DOCK9: variants seen among roughly 807,000 people sequenced by gnomAD.
The protein encoded by DOCK9 is dedicator of cytokinesis protein 9.
Under a neutral mutation model 263.3 loss-of-function variants are expected in DOCK9, and 89 were observed. The observed-to-expected ratio is 0.34, with a 90% CI of 0.28 to 0.40. The LOEUF is 0.40. Ranked by LOEUF, DOCK9 falls within the 10% of genes least tolerant of loss-of-function variation. The pLI, the probability that DOCK9 is intolerant of heterozygous loss-of-function variation, is 1.00. For synonymous variants in DOCK9, 976 were observed against 973.1 expected (o/e 1.00, Z -0.06); for missense variants, 2,140 against 2,603.4 (o/e 0.82, Z 3.87).
At chr13:98,981,088 G>C (rs567992413), upstream of DOCK9, among the ~76,000 whole-genome samples, 1 of 150,908 alleles carries the variant, frequency 6.6e-6, no homozygotes, top group Admixed American at 6.6e-5. Flanking sequence ...GCAGGGTTTG[G>C]CTCTGCTGCC....
At chr13:98,854,579 G>A (rs1380700497) in intron 34 of DOCK9, 1 of 152,144 alleles carries the variant, frequency 6.6e-6, no homozygotes, top group Non-Finnish European at 1.5e-5. Flanking sequence ...CCGGCAGTGG[G>A]AGGGAAGGTG....
chr13:99,012,622 C>A (rs1353370935), intron 1 of DOCK9, among the ~76,000 whole-genome samples: 1 of 152,182 alleles, frequency 6.6e-6, no homozygotes, highest in Non-Finnish European at 1.5e-5. Context: ...ATAAAGTCAG[C>A]CTATCTTTGC....
At chr13:98,983,081 G>T (rs1230446723) in intron 1 of DOCK9, among the ~76,000 whole-genome samples, 1 of 152,130 alleles carries the variant, frequency 6.6e-6, no homozygotes, top group Non-Finnish European at 1.5e-5. Flanking sequence ...TTTATTAGGG[G>T]TTCTTGGCAT....
intron 1 of DOCK9, among the ~76,000 whole-genome samples, chr13:99,057,093 AG>A (rs762904871): frequency 6.6e-6 from 1 of 152,222 alleles, no homozygotes; most frequent in Non-Finnish European, 1.5e-5. Flanking sequence ...TCTAGAGAGC[AG>A]CCGAGATAAG....
chr13:99,029,834 A>G (rs1346396248), intron 1 of DOCK9, among the ~76,000 whole-genome samples: 1 of 152,242 alleles, frequency 6.6e-6, no homozygotes, highest in African/African-American at 2.4e-5. Flanking sequence ...TTGTATACAA[A>G]TGTTCACAGC....
intron 1 of DOCK9, among the ~76,000 whole-genome samples, chr13:98,984,707 GC>G (rs1878034783): frequency 6.6e-6 from 1 of 152,124 alleles, no homozygotes; most frequent in Non-Finnish European, 1.5e-5. Context: ...TGGGGTTCTA[GC>G]CACTCACTAT....
At chr13:98,998,978 G>A (rs759048475) in intron 1 of DOCK9, among the ~76,000 whole-genome samples, 8 of 152,124 alleles carry the variant, frequency 5.3e-5, no homozygotes, top group Non-Finnish European at 8.8e-5. Flanking sequence ...AAGCAAGCTC[G>A]GATCACACTT....
chr13:98,994,560 G>C (rs745569634), intron 1 of DOCK9, among the ~76,000 whole-genome samples: 1 of 152,168 alleles, frequency 6.6e-6, no homozygotes, highest in Non-Finnish European at 1.5e-5. Flanking sequence ...TGTGACAAAG[G>C]AATGTGTGTC....
chr13:98,881,701 T>A, intron 24 of DOCK9, 74 bp from the exon 25 acceptor site: 1 of 1,445,560 alleles, frequency 6.9e-7, no homozygotes, highest in Non-Finnish European at 9.5e-7. Context: ...ACAGCAGTAG[T>A]AGAACAATGA....
chr13:98,869,958 C>T (rs1276396301), intron 27 of DOCK9, among the ~76,000 whole-genome samples: 1 of 152,232 alleles, frequency 6.6e-6, no homozygotes, highest in Non-Finnish European at 1.5e-5. Flanking sequence ...GCTTGAGTCA[C>T]TGAATGATCT....
At chr13:99,054,318 AAAATT>A (rs1362391632) in intron 1 of DOCK9, among the ~76,000 whole-genome samples, 2 of 152,192 alleles carry the variant, frequency 1.3e-5, no homozygotes, top group African/African-American at 4.8e-5. Context: ...GGCCTCGCCA[AAAATT>A]TGAAAGGTGG....
chr13:98,868,250 C>T lies in DOCK9; in HGVS notation c.3071G>A (p.Ser1024Asn). The change falls in exon 28 of 53, where the codon AGC (serine) becomes AAC (asparagine). Residue 1024 changes from serine (S) to asparagine (N), a missense_variant. Physicochemically the swap from Ser to Asn is conservative, Grantham distance 46 (BLOSUM62 1). This residue lies in a region of DOCK9 where 1,521 missense variants were observed against 1,741.7 expected (regional missense o/e 0.87). Transcript: ENST00000682017. ...CCCCACCTTGATGAAGACAGCAAGG[C>T]TATGATTCGCGTTCTTAGATGCCTC... ...NPEASKNANH[S>N]LAVFIKRCFT... 1 of 1,613,942 alleles carries T rather than the reference C, an allele frequency of 6.2e-7. No individual in the cohort carries two copies. The highest frequency in any genetic ancestry group is 1.7e-5 in the Admixed American group (1 of 60,010).
At chr13:98,869,264 T>C (rs550833015) in intron 27 of DOCK9, among the ~76,000 whole-genome samples, 35 of 152,372 alleles carry the variant, frequency 2.3e-4, no homozygotes, top group African/African-American at 7.2e-4. Context: ...CTTATGTATA[T>C]CTTCTACATG....
intron 27 of DOCK9, among the ~76,000 whole-genome samples, chr13:98,879,296 G>A (rs1316153211): frequency 6.6e-6 from 1 of 152,122 alleles, no homozygotes; most frequent in Non-Finnish European, 1.5e-5. Flanking sequence ...CGGTCAGAAA[G>A]GAACACACAT....
At chr13:98,901,145 A>G (rs2048216131) in intron 13 of DOCK9, among the ~76,000 whole-genome samples, 1 of 152,244 alleles carries the variant, frequency 6.6e-6, no homozygotes, top group Non-Finnish European at 1.5e-5. Flanking sequence ...AGCCTTGGTG[A>G]GCCTCAGTGT....
At position 98,885,795 on chromosome 13, in the gene DOCK9, G is replaced by A. The variant is rs748427197; in HGVS notation, c.2173C>T (p.His725Tyr). 44 of 1,611,602 alleles carry A rather than the reference G, an allele frequency of 2.7e-5. No individual in the cohort carries two copies. Among genetic ancestry groups the A allele is most frequent in the Non-Finnish European group, 3.6e-5 (42 of 1,179,402 alleles). ...TGGAAGAATGTGAGCAACAGGTGGT[G>A]CTTTTCATGCAGCTGAGTGGGCAAC... ...IELPTQLHEKHHLLLTFFHVS... is the reference protein window; with the variant it reads ...IELPTQLHEKYHLLLTFFHVS... Residue 725 changes from histidine to tyrosine, a missense_variant, in exon 20 of 53, where the codon CAC becomes TAC. Physicochemically the swap from His to Tyr is moderately conservative, Grantham distance 83. Coordinates refer to ENST00000682017, the MANE Select transcript of DOCK9 (RefSeq NM_001366683.2).
chr13:98,839,891 C>T (rs946366138), intron 38 of DOCK9, among the ~76,000 whole-genome samples: 2 of 152,236 alleles, frequency 1.3e-5, no homozygotes, highest in Non-Finnish European at 2.9e-5. Flanking sequence ...CAGATTCATA[C>T]AGACATCGGT....
chr13:99,073,894 T>C (rs927900392), intron 1 of DOCK9, among the ~76,000 whole-genome samples: 1 of 152,226 alleles, frequency 6.6e-6, no homozygotes, highest in African/African-American at 2.4e-5. Context: ...TTGATATTTT[T>C]AAAGCCAAAA....
chr13:99,083,203 C>T (rs904631580), intron 1 of DOCK9, among the ~76,000 whole-genome samples: 2 of 151,536 alleles, frequency 1.3e-5, no homozygotes, highest in Admixed American at 6.6e-5. Flanking sequence ...TGCAGTGAGC[C>T]GAGATCACGC....
Sources: gnomAD v4.1 joint callset for allele counts (sites outside exome capture counted in the v4.1 genomes callset) on GRCh38, gnomAD v4.1.1 for gene constraint, gnomAD v4.1.1 regional missense constraint, MANE v1.5 for transcripts, NCBI Gene and HGNC (gene_info 2026-07-23, HGNC 2026-07-21) for gene names.